Variants in MTA3 observed in about 807,000 individuals in gnomAD.
MTA3 encodes the protein metastasis associated 1 family member 3, also known as metastasis-associated protein MTA3.
A neutral mutation model predicts 83.5 loss-of-function variants in MTA3; 34 were observed. The ratio of observed to expected loss-of-function variants is 0.41; its 90% CI spans 0.31 to 0.54. The LOEUF (loss-of-function observed/expected upper bound fraction) is 0.54, where lower values mean the gene tolerates loss of function less well. Ranked by LOEUF, MTA3 falls within the 20% of genes least tolerant of loss-of-function variation. The pLI, the probability that MTA3 is intolerant of heterozygous loss-of-function variation, is 0.33. For synonymous variants in MTA3, 303 were observed against 252.7 expected, an observed-to-expected ratio of 1.20 and a Z score of -1.89; for missense variants, 761 against 726.4, an observed-to-expected ratio of 1.05 and a Z score of -0.55.
At chr2:42,731,990 C>T (rs565112077) in intron 16 of MTA3, among the ~76,000 whole-genome samples, 2 of 152,192 alleles carry the variant, frequency 1.3e-5, no homozygotes, top group Non-Finnish European at 2.9e-5. Context: ...TTTTAAAGCT[C>T]CAAAATGATC....
At chr2:42,650,128 T>C (rs1688576517) in intron 6 of MTA3, among the ~76,000 whole-genome samples, 1 of 152,198 alleles carries the variant, frequency 6.6e-6, no homozygotes, top group Non-Finnish European at 1.5e-5. Flanking sequence ...CCCGTAAGAA[T>C]TGTTTAAGCA....
At chr2:42,716,126 C>T (rs746509024) in intron 14 of MTA3, among the ~76,000 whole-genome samples, 1 of 152,112 alleles carries the variant, frequency 6.6e-6, no homozygotes. Flanking sequence ...TATTATTCAA[C>T]AATAGGTGAA....
intron 3 of MTA3, among the ~76,000 whole-genome samples, chr2:42,594,713 T>TAC (rs1681503705): frequency 5.1e-5 from 2 of 39,334 alleles, no homozygotes; most frequent in Non-Finnish European, 8.1e-5. Context: ...TACATATATA[T>TAC]ATATATATAT....
At chr2:42,637,331 T>G (rs1466435229) in intron 4 of MTA3, among the ~76,000 whole-genome samples, 1 of 152,222 alleles carries the variant, frequency 6.6e-6, no homozygotes, top group Non-Finnish European at 1.5e-5. Context: ...TCTTTATTAT[T>G]TAAGGATTAA....
At position 42,707,788 on chromosome 2, in the gene MTA3, A is replaced by G. The variant is rs182658939; in HGVS notation, c.1151-115A>G. 119 of 1,170,122 alleles carry G rather than the reference A, an allele frequency of 1.0e-4. 1 individual carries two copies. In the East Asian group the frequency reaches 1.6e-3, roughly 15 times the overall value. 72.5% of individuals were successfully genotyped at this position (1,170,122 alleles called of 1,614,324 possible). A position where few individuals can be genotyped will look rare whatever the true frequency, so the allele number is the denominator to read the frequency against. On this transcript the variant is annotated intron_variant, in intron 12 of 16. Coordinates refer to ENST00000405094, the MANE Select transcript of MTA3 (RefSeq NM_001330442.2). ...ATTATGTTTGGCTTGTAAGCTGGGA[A>G]CAATAACATTGTAAACTAAGCATGA...
chr2:42,656,276 G>T lies in MTA3; in HGVS notation c.576G>T (p.Gln192His). ...CAAATAGCCCACTTACGGATCGACA[G>T]ATTGACCAGTTTTTAGTTGTAGCAC... ...WDPNSPLTDR[Q>H]IDQFLVVARA... The change falls in exon 7 of 17, where the codon CAG (glutamine) becomes CAT (histidine). Residue 192 changes from glutamine to histidine, a missense_variant. Coordinates refer to ENST00000405094, the MANE Select transcript of MTA3 (RefSeq NM_001330442.2). 1 of 1,613,664 alleles carries T rather than the reference G, an allele frequency of 6.2e-7. No individual in the cohort carries two copies. The highest frequency in any genetic ancestry group is 2.2e-5 in the East Asian group (1 of 44,844).
chr2:42,541,020 C>A (rs1676495186), intron 2 of MTA3, among the ~76,000 whole-genome samples: 1 of 151,746 alleles, frequency 6.6e-6, no homozygotes, highest in Admixed American at 6.6e-5. Flanking sequence ...TCAGTGGAAA[C>A]CTTACTTCAA....
At chr2:42,558,755 A>G (rs1403148491) in intron 2 of MTA3, among the ~76,000 whole-genome samples, 1 of 150,236 alleles carries the variant, frequency 6.7e-6, no homozygotes, top group Non-Finnish European at 1.5e-5. Context: ...GGGTTTCACC[A>G]TATTGCCCAG....
intron 4 of MTA3, among the ~76,000 whole-genome samples, chr2:42,632,909 A>C (rs1332240943): frequency 6.6e-6 from 1 of 152,016 alleles, no homozygotes; most frequent in Non-Finnish European, 1.5e-5. Context: ...TCAAAGATCT[A>C]TCTTTGAATA....
intron 2 of MTA3, among the ~76,000 whole-genome samples, chr2:42,522,004 T>C (rs922973266): frequency 1.2e-4 from 19 of 152,224 alleles, no homozygotes; most frequent in African/African-American, 4.6e-4. Context: ...TCCACCTGCC[T>C]CGGCCTCCCA....
At chr2:42,508,306 G>T (rs184786308) in intron 2 of MTA3, among the ~76,000 whole-genome samples, 2 of 152,132 alleles carry the variant, frequency 1.3e-5, no homozygotes, top group Admixed American at 6.6e-5. Context: ...AGCACCAAAA[G>T]TGAACCCTAT....
chr2:42,711,225 A>T (rs1666583604), intron 14 of MTA3, among the ~76,000 whole-genome samples: 1 of 152,200 alleles, frequency 6.6e-6, no homozygotes, highest in Non-Finnish European at 1.5e-5. Flanking sequence ...GCTGCTGAGG[A>T]AACTCTGTTT....
chr2:42,508,242 C>A (rs1442887043), intron 2 of MTA3, among the ~76,000 whole-genome samples: 1 of 152,040 alleles, frequency 6.6e-6, no homozygotes, highest in Admixed American at 6.6e-5. Flanking sequence ...CTATTTTTTT[C>A]TTTCCCTTAC....
chr2:42,629,302 A>G (rs944440170), intron 4 of MTA3, among the ~76,000 whole-genome samples: 7 of 152,000 alleles, frequency 4.6e-5, no homozygotes, highest in African/African-American at 1.7e-4. Flanking sequence ...GCTGATCTCG[A>G]ACTCCTGACC....
chr2:42,732,958 G>A (rs1668337077), intron 16 of MTA3, among the ~76,000 whole-genome samples: 1 of 152,168 alleles, frequency 6.6e-6, no homozygotes, highest in African/African-American at 2.4e-5. Context: ...ATCACTATCA[G>A]CATTTTGGGC....
intron 4 of MTA3, among the ~76,000 whole-genome samples, chr2:42,635,916 C>T (rs1234203737): frequency 6.6e-6 from 1 of 152,038 alleles, no homozygotes; most frequent in Non-Finnish European, 1.5e-5. Context: ...CAGGCGTGCA[C>T]CACCACACCC....
At chr2:42,645,670 G>A (rs1379404263) in intron 6 of MTA3, among the ~76,000 whole-genome samples, 8 of 152,074 alleles carry the variant, frequency 5.3e-5, no homozygotes, top group Admixed American at 5.2e-4. Context: ...TCCAGAGCAG[G>A]GCCCTAAGTC....
upstream of MTA3, chr2:42,494,540 T>A (rs1674040499): frequency 6.6e-6 from 1 of 152,166 alleles, no homozygotes; most frequent in Admixed American, 6.5e-5. Flanking sequence ...TACCGCGTGC[T>A]CAGAGGGCGG....
chr2:42,609,996 A>T (rs1449878484), intron 4 of MTA3, among the ~76,000 whole-genome samples: 1 of 152,210 alleles, frequency 6.6e-6, no homozygotes, highest in Non-Finnish European at 1.5e-5. Flanking sequence ...GCCACTCAGG[A>T]GGCTGAGGCA....
Sources: gnomAD v4.1 joint callset for allele counts (sites outside exome capture counted in the v4.1 genomes callset) on GRCh38, gnomAD v4.1.1 for gene constraint, MANE v1.5 for transcripts, NCBI Gene and HGNC (gene_info 2026-07-23, HGNC 2026-07-21) for gene names.